The following MAF variants were observed in gnomAD, a reference collection of about 807,000 sequenced individuals.
MAF encodes the protein transcription factor Maf.
Under a neutral mutation model 22.0 loss-of-function variants are expected in MAF, and 10 were observed. That is an observed-to-expected ratio of 0.45 (90% CI 0.28 to 0.77). MAF has a LOEUF of 0.77. Among genes scored for constraint, MAF ranks in the 30% least tolerant of loss-of-function variants. The pLI is 0.12. For missense variants in MAF, 544 were observed against 548.4 expected (o/e 0.99, Z 0.08); for synonymous variants, 337 against 255.8 (o/e 1.32, Z -3.03).
At chr16:79,519,814 C>T in the MAF span, among the ~76,000 whole-genome samples, 4 of 152,270 alleles carry the variant, frequency 2.6e-5, no homozygotes, top group Admixed American at 2.0e-4. Context: ...CAGCTGTGGT[C>T]CTGTGATCTG....
the MAF span, among the ~76,000 whole-genome samples, chr16:79,445,739 G>T: frequency 1.4e-3 from 218 of 152,340 alleles, no homozygotes; most frequent in African/African-American, 4.6e-3. Flanking sequence ...CCTCATCCCT[G>T]TCTCATCCAG....
chr16:79,451,474 G>A, the MAF span, among the ~76,000 whole-genome samples: 1 of 152,130 alleles, frequency 6.6e-6, no homozygotes, highest in African/African-American at 2.4e-5. Context: ...AGAGGAAGTC[G>A]TGACTTTGCC....
chr16:79,563,801 A>G, the MAF span, among the ~76,000 whole-genome samples: 1 of 152,032 alleles, frequency 6.6e-6, no homozygotes, highest in Admixed American at 6.6e-5. Context: ...GTTCTCAGGG[A>G]GTTTTCATAT....
the MAF span, among the ~76,000 whole-genome samples, chr16:79,465,115 T>G: frequency 3.3e-5 from 5 of 152,184 alleles, no homozygotes; most frequent in Admixed American, 3.3e-4. Context: ...ATTTTAAGAA[T>G]AGTTGTCCCT....
At chr16:79,483,529 G>A in the MAF span, among the ~76,000 whole-genome samples, 2 of 151,846 alleles carry the variant, frequency 1.3e-5, no homozygotes, top group South Asian at 4.2e-4. Context: ...AGGAAGAGGT[G>A]CACGGAATTA....
At chr16:79,230,366 G>C in the MAF span, among the ~76,000 whole-genome samples, 4 of 152,190 alleles carry the variant, frequency 2.6e-5, no homozygotes, top group South Asian at 2.1e-4. Context: ...TGAGCAAGAA[G>C]TACTGAGGCT....
the MAF span, among the ~76,000 whole-genome samples, chr16:79,572,950 C>T: frequency 1.3e-5 from 2 of 152,174 alleles, no homozygotes; most frequent in African/African-American, 4.8e-5. Flanking sequence ...TAAATGCTCA[C>T]AATGGTGTAT....
chr16:79,550,450 G>A, the MAF span, among the ~76,000 whole-genome samples: 49 of 152,180 alleles, frequency 3.2e-4, no homozygotes, highest in Middle Eastern at 6.8e-3. Context: ...ATCACTCCCA[G>A]GTCTTTGACT....
the MAF span, among the ~76,000 whole-genome samples, chr16:79,528,942 T>C: frequency 1.3e-5 from 2 of 152,160 alleles, no homozygotes; most frequent in East Asian, 1.9e-4. Flanking sequence ...TACATTTGCA[T>C]ATTTATAGGG....
the MAF span, among the ~76,000 whole-genome samples, chr16:79,223,909 A>G: frequency 6.6e-6 from 1 of 152,210 alleles, no homozygotes; most frequent in African/African-American, 2.4e-5. Flanking sequence ...AGAGGGATTC[A>G]AAGCCAAATT....
chr16:79,578,448 G>A, the MAF span, among the ~76,000 whole-genome samples: 1 of 151,896 alleles, frequency 6.6e-6, no homozygotes, highest in African/African-American at 2.4e-5. Context: ...TTCACACGAT[G>A]TATCATTTTT....
the MAF span, among the ~76,000 whole-genome samples, chr16:79,310,128 G>C: frequency 3.3e-5 from 5 of 152,106 alleles, no homozygotes; most frequent in African/African-American, 1.2e-4. Flanking sequence ...TCCTTTAATG[G>C]AACTGGGCAA....
At chr16:79,374,748 G>A in the MAF span, among the ~76,000 whole-genome samples, 1 of 152,192 alleles carries the variant, frequency 6.6e-6, no homozygotes, top group Non-Finnish European at 1.5e-5. Context: ...TGGGAAATTG[G>A]AAGAGGTAAT....
chr16:79,466,016 A>G, the MAF span, among the ~76,000 whole-genome samples: 1 of 152,242 alleles, frequency 6.6e-6, no homozygotes, highest in Non-Finnish European at 1.5e-5. Flanking sequence ...AAAAGGATGA[A>G]TGAATGAATG....
the MAF span, among the ~76,000 whole-genome samples, chr16:79,310,429 T>A: frequency 1.3e-5 from 2 of 152,098 alleles, no homozygotes; most frequent in Non-Finnish European, 2.9e-5. Flanking sequence ...TGGAAAAGCC[T>A]CTTTGTAAAT....
chr16:79,334,543 G>T, the MAF span, among the ~76,000 whole-genome samples: 1 of 152,110 alleles, frequency 6.6e-6, no homozygotes, highest in Non-Finnish European at 1.5e-5. Flanking sequence ...TTGATCTTAG[G>T]ATTGTATGAT....
chr16:79,313,926 AC>A, the MAF span, among the ~76,000 whole-genome samples: 1 of 152,200 alleles, frequency 6.6e-6, no homozygotes, highest in Non-Finnish European at 1.5e-5. Flanking sequence ...GTGGACTAGC[AC>A]CTACGTTCAC....
chr16:79,205,480 C>G, the MAF span: 1 of 152,178 alleles, frequency 6.6e-6, no homozygotes, highest in East Asian at 1.9e-4. Flanking sequence ...AGGGCATGTT[C>G]TCTTCTGGAG....
the MAF span, among the ~76,000 whole-genome samples, chr16:79,477,724 T>C: frequency 6.6e-6 from 1 of 152,170 alleles, no homozygotes; most frequent in East Asian, 1.9e-4. Flanking sequence ...AGTGACATTT[T>C]TTTTTTAAAT....
Sources: gnomAD v4.1 joint callset for allele counts (sites outside exome capture counted in the v4.1 genomes callset) on GRCh38, gnomAD v4.1.1 for gene constraint, MANE v1.5 for transcripts, NCBI Gene and HGNC (gene_info 2026-07-23, HGNC 2026-07-21) for gene names.